The following KDM2A variants were observed in gnomAD, a reference collection of about 807,000 sequenced individuals.
KDM2A encodes lysine-specific demethylase 2A.
In KDM2A, 3 loss-of-function variants were observed where a neutral mutation model predicts 137.3. That is an observed-to-expected ratio of 0.02 (90% CI 0.01 to 0.06). The LOEUF (loss-of-function observed/expected upper bound fraction) is 0.06, where lower values mean the gene tolerates loss of function less well. Ranked by LOEUF, KDM2A falls within the 10% of genes least tolerant of loss-of-function variation. The pLI is 1.00. For missense variants in KDM2A, 738 were observed against 1,510.6 expected (o/e 0.49, Z 8.48); for synonymous variants, 512 against 541.5 (o/e 0.95, Z 0.76).
At chr11:67,234,364 G>T (rs972637752) in intron 12 of KDM2A, among the ~76,000 whole-genome samples, 1 of 152,198 alleles carries the variant, frequency 6.6e-6, no homozygotes, top group Non-Finnish European at 1.5e-5. Flanking sequence ...GAAAGGAATT[G>T]TTTGCTGTTG....
At chr11:67,135,910 C>T (rs1032405383) in intron 2 of KDM2A, among the ~76,000 whole-genome samples, 1 of 152,226 alleles carries the variant, frequency 6.6e-6, no homozygotes, top group African/African-American at 2.4e-5. Flanking sequence ...CTACCCACTA[C>T]TGAAGTCTAG....
At chr11:67,180,453 T>A (rs983681531) in intron 3 of KDM2A, 7 of 366,408 alleles carry the variant, frequency 1.9e-5, no homozygotes, top group African/African-American at 1.5e-4. Context: ...ATTGTTGGAT[T>A]TTTTTGCCTA....
At chr11:67,193,164 A>G (rs1269265736) in intron 5 of KDM2A, among the ~76,000 whole-genome samples, 1 of 151,594 alleles carries the variant, frequency 6.6e-6, no homozygotes, top group Non-Finnish European at 1.5e-5. Flanking sequence ...TCATTTTTGT[A>G]TTTTTAGTAT....
chr11:67,214,115 A>T (rs1009192149), intron 6 of KDM2A, among the ~76,000 whole-genome samples: 2 of 151,658 alleles, frequency 1.3e-5, no homozygotes, highest in African/African-American at 4.9e-5. Context: ...ATCTCGGCTC[A>T]CCAGAACCTC....
At chr11:67,224,449 AT>A (rs1335081755) in intron 10 of KDM2A, among the ~76,000 whole-genome samples, 1 of 145,792 alleles carries the variant, frequency 6.9e-6, no homozygotes, top group Non-Finnish European at 1.5e-5. Flanking sequence ...CGTACCAAAA[AT>A]TAACCCCTTT....
At chr11:67,162,273 T>C (rs951344482) in intron 2 of KDM2A, among the ~76,000 whole-genome samples, 1 of 152,180 alleles carries the variant, frequency 6.6e-6, no homozygotes, top group African/African-American at 2.4e-5. Context: ...ATCATAGCAA[T>C]AAGTGCCAAA....
At chr11:67,215,973 G>A in intron 8 of KDM2A, 24 bp downstream of exon 8, 3 of 1,581,974 alleles carry the variant, frequency 1.9e-6, no homozygotes, top group Non-Finnish European at 2.6e-6. Flanking sequence ...TGTGATAGGG[G>A]TTGGAATCTG....
chr11:67,249,472 G>T (rs1859342419), intron 16 of KDM2A, among the ~76,000 whole-genome samples: 1 of 152,226 alleles, frequency 6.6e-6, no homozygotes, highest in Non-Finnish European at 1.5e-5. Context: ...AGTGGAACAT[G>T]TTTACTGGGC....
At chr11:67,128,515 G>C (rs1240242023) in intron 2 of KDM2A, among the ~76,000 whole-genome samples, 2 of 152,018 alleles carry the variant, frequency 1.3e-5, no homozygotes, top group Non-Finnish European at 2.9e-5. Context: ...AGAGTGCACT[G>C]GTCTCATTGT....
At chr11:67,170,413 T>TC (rs1856857518) in intron 2 of KDM2A, among the ~76,000 whole-genome samples, 1 of 136,080 alleles carries the variant, frequency 7.3e-6, no homozygotes, top group African/African-American at 2.8e-5. Context: ...TCTTTCTTTT[T>TC]TTTTTTTTTT....
chr11:67,244,041 A>G (rs937897268), intron 13 of KDM2A, among the ~76,000 whole-genome samples: 2 of 152,200 alleles, frequency 1.3e-5, no homozygotes, highest in Non-Finnish European at 2.9e-5. Context: ...CAAAGCCATC[A>G]CATTCCAGGG....
chr11:67,232,491 A>AT (rs1188127624), intron 12 of KDM2A, among the ~76,000 whole-genome samples: 1 of 152,106 alleles, frequency 6.6e-6, no homozygotes, highest in Non-Finnish European at 1.5e-5. Context: ...ATGTTTATTT[A>AT]TTTTTTAATT....
At chr11:67,140,142 C>G (rs1856065286) in intron 2 of KDM2A, among the ~76,000 whole-genome samples, 1 of 151,970 alleles carries the variant, frequency 6.6e-6, no homozygotes, top group South Asian at 2.1e-4. Flanking sequence ...AGGAGGAGTT[C>G]AAGGCTTGAG....
chr11:67,195,013 G>A (rs998583272), intron 5 of KDM2A, among the ~76,000 whole-genome samples: 2 of 152,152 alleles, frequency 1.3e-5, no homozygotes, highest in Admixed American at 6.6e-5. Flanking sequence ...TCTTGAAAGT[G>A]TACAAACTTA....
chr11:67,228,158 G>A lies in KDM2A; in HGVS notation c.1079G>A (p.Ser360Asn), dbSNP rs760417548. The A allele has an allele frequency of 9.9e-6, 16 of 1,613,896 alleles. No individual in the cohort carries two copies. The highest frequency in any genetic ancestry group is 1.0e-5 in the Non-Finnish European group (12 of 1,179,830). ...AAGGAATTTCAGAAAGAGTCCCTCA[G>A]CATGGGTAAGTATTCTGCCTATAGG... ...LTKEFQKESL[S>N]MDLELNGLES... The change falls in exon 11 of 21, where the codon AGC becomes AAC. Residue 360 changes from serine to asparagine, a missense_variant. By Grantham distance (46) the Ser-to-Asn change is conservative (BLOSUM62 1). Transcript: ENST00000529006.
intron 2 of KDM2A, among the ~76,000 whole-genome samples, chr11:67,146,769 C>G (rs1304853871): frequency 1.3e-5 from 2 of 152,120 alleles, no homozygotes; most frequent in African/African-American, 2.4e-5. Flanking sequence ...CTCAGACTCC[C>G]AAAGTGCTGG....
In KDM2A at chr11:67,231,726, A is replaced by C; in HGVS notation, c.1245A>C (p.Pro415=). Residue 415 remains proline, a synonymous_variant, in exon 12 of 21, where the codon CCA becomes CCC. Coordinates refer to ENST00000529006, the MANE Select transcript of KDM2A (RefSeq NM_012308.3). The stretch of plus-strand genomic sequence containing the variant: ...TGGGCAAAACCTGCCGAAGTCTTCC[A>C]AGTCTGAAGAAAACTTTGGCTGGGG... ...DGLGKTCRSL[P]SLKKTLAGDS... is the part of the protein sequence containing the mutation. The C allele has an allele frequency of 6.2e-7, 1 of 1,613,992 alleles. No individual in the cohort carries two copies. The highest frequency in any genetic ancestry group is 8.5e-7 in the Non-Finnish European group (1 of 1,179,878).
chr11:67,251,541 A>C (rs539603554), intron 17 of KDM2A, among the ~76,000 whole-genome samples: 2 of 152,282 alleles, frequency 1.3e-5, no homozygotes, highest in East Asian at 3.9e-4. Context: ...CACACATCCT[A>C]TTACAGTAGT....
At position 67,250,280 on chromosome 11, in the gene KDM2A, T is replaced by C; in HGVS notation, c.2250T>C (p.Ser750=). Residue 750 remains serine, a synonymous_variant, in exon 17 of 21, where the codon AGT becomes AGC. Transcript: ENST00000529006. This position sits in a 1 kb window ranked among gnomAD's most constrained non-coding sequence, Gnocchi z 7.1. The part of the protein sequence containing the change: ...SPGAGPSDHH[S]ASRDERFKRR... The stretch of plus-strand genomic sequence containing the variant: ...GGGCTGGCCCCAGCGACCACCACAG[T>C]GCCAGCCGCGATGAGCGCTTCAAAC... 1 of 1,613,804 alleles carries C rather than the reference T, an allele frequency of 6.2e-7. No individual in the cohort carries two copies. Among genetic ancestry groups the C allele is most frequent in the Non-Finnish European group, 8.5e-7 (1 of 1,179,860 alleles).
Sources: gnomAD v4.1 joint callset for allele counts (sites outside exome capture counted in the v4.1 genomes callset) on GRCh38, gnomAD v4.1.1 for gene constraint, Gnocchi (gnomAD v3.1) non-coding constraint, MANE v1.5 for transcripts, NCBI Gene and HGNC (gene_info 2026-07-23, HGNC 2026-07-21) for gene names.